Variants in TSFM observed in about 807,000 individuals in gnomAD.
TSFM encodes the protein elongation factor Ts, mitochondrial.
A neutral mutation model predicts 33.4 loss-of-function variants in TSFM; 29 were observed. The ratio of observed to expected loss-of-function variants is 0.87; its 90% CI spans 0.65 to 1.18. The LOEUF (loss-of-function observed/expected upper bound fraction) is 1.18, where lower values mean the gene tolerates loss of function less well. Ranked by LOEUF, TSFM falls within the 50% of genes most tolerant of loss-of-function variation. The pLI is 0.00. For synonymous variants in TSFM, 178 were observed against 163.5 expected, an observed-to-expected ratio of 1.09 and a Z score of -0.68; for missense variants, 394 against 395.6, an observed-to-expected ratio of 1.00 and a Z score of 0.04.
At chr12:57,782,887 TG>T in intron 1 of TSFM, 29 bp downstream of exon 1, 1 of 1,573,428 alleles carries the variant, frequency 6.4e-7, no homozygotes, top group Non-Finnish European at 8.6e-7. Flanking sequence ...GGTACCGACC[TG>T]CTGTCCCTGC....
chr12:57,783,557 G>A (rs1429051405), intron 2 of TSFM: 1 of 647,332 alleles, frequency 1.5e-6, no homozygotes, highest in Non-Finnish European at 2.9e-6. Flanking sequence ...GATTGTTCAG[G>A]AGTCAAATTG....
At chr12:57,783,013 C>T in intron 1 of TSFM, 97 bp from the exon 2 acceptor site, 2 of 1,507,430 alleles carry the variant, frequency 1.3e-6, no homozygotes, top group Non-Finnish European at 1.8e-6. Context: ...CCCCTTTGCA[C>T]ACTGTCCGCT....
chr12:57,790,060 C>CTTTTTTTTTTT (rs35382401), intron 4 of TSFM, among the ~76,000 whole-genome samples: 2 of 105,438 alleles, frequency 1.9e-5, no homozygotes, highest in African/African-American at 3.6e-5. Context: ...TTCTTTCTTT[C>CTTTTTTTTTTT]TTTTTTTTTT....
downstream of TSFM, among the ~76,000 whole-genome samples, chr12:57,799,485 G>A (rs867800339): frequency 3.3e-5 from 5 of 152,226 alleles, no homozygotes; most frequent in African/African-American, 1.2e-4. Context: ...TTTGGCTGTT[G>A]TGTGGGGAAC....
At chr12:57,782,926 C>T (rs1339669695) in intron 1 of TSFM, 68 bp downstream of exon 1, 3 of 1,522,310 alleles carry the variant, frequency 2.0e-6, no homozygotes, top group Non-Finnish European at 2.7e-6. Flanking sequence ...GTACCTTTCC[C>T]TTCCTCCCAA....
intron 5 of TSFM, among the ~76,000 whole-genome samples, chr12:57,794,361 T>C (rs7976556): frequency 0.99 from 151,261 of 152,336 alleles, 75,106 homozygotes; most frequent in Middle Eastern, 1. Context: ...CTACCCCTTT[T>C]TACCTTTTGG....
Position 57,786,197 on chromosome 12 carries a change from A to G in TSFM, c.266A>G (p.Glu89Gly). The part of the protein sequence containing the change: ...EIWLHKEAQK[E>G]GWSKAAKLQG... ...TGGCTCCACAAGGAGGCCCAGAAGG[A>G]GGGCTGGAGCAAAGCTGCCAAGCTC... The change falls in exon 3 of 6, where the codon GAG becomes GGG. Residue 89 changes from glutamate (E) to glycine (G), a missense_variant. Transcript: ENST00000652027. The G allele has an allele frequency of 6.2e-7, 1 of 1,609,470 alleles. No homozygotes were observed. Among genetic ancestry groups the G allele is most frequent in the Non-Finnish European group, 8.5e-7 (1 of 1,177,628 alleles).
intron 4 of TSFM, chr12:57,791,985 A>C: frequency 2.8e-6 from 1 of 361,424 alleles, no homozygotes; most frequent in Non-Finnish European, 5.7e-6. Flanking sequence ...TCACGCCTGT[A>C]AACCTAGCAC....
rs1955685630 is a variant in TSFM at position 57,793,089 on chromosome 12, G to A, written c.571+16G>A. On this transcript the variant is annotated intron_variant, in intron 5 of 5. Coordinates refer to ENST00000652027, the MANE Select transcript of TSFM (RefSeq NM_005726.6). ...TTAGCAATTGGTGAGTATTTGTAAA[G>A]GTTCTGGAAACTGGAAATTAGGGAC... 6.2e-7 allele frequency: 1 copy of A among 1,606,696 alleles called. No individual in the cohort carries two copies. The highest frequency in any genetic ancestry group is 2.2e-5 in the East Asian group (1 of 44,840).
At chr12:57,783,545 C>CA in intron 2 of TSFM, 1 of 652,208 alleles carries the variant, frequency 1.5e-6, no homozygotes, top group Non-Finnish European at 2.9e-6. Context: ...GCTTTGGAGT[C>CA]AGATTGTTCA....
Position 57,782,814 on chromosome 12 carries a change from C to A in TSFM, c.13C>A (p.Arg5=), listed in dbSNP as rs1955528884. The change falls in exon 1 of 6, where the codon CGG becomes AGG. Residue 5 remains arginine, a synonymous_variant. Coordinates refer to ENST00000652027, the MANE Select transcript of TSFM (RefSeq NM_005726.6). MSLL[R]SLRVFLVART... Reference sequence around the variant, plus strand: ...CGCGGCTAGAGAGATGTCGCTGCTGCGGTCGCTGCGCGTGTTTCTGGTCGC... The same window carrying A: ...CGCGGCTAGAGAGATGTCGCTGCTGAGGTCGCTGCGCGTGTTTCTGGTCGC... 3 of 1,592,762 alleles carry A rather than the reference C, an allele frequency of 1.9e-6. No homozygotes were observed. Among genetic ancestry groups the A allele is most frequent in the South Asian group, 2.3e-5 (2 of 87,678 alleles).
At chr12:57,801,426 C>G (rs975545769), downstream of TSFM, 2 of 415,628 alleles carry the variant, frequency 4.8e-6, no homozygotes, top group Non-Finnish European at 8.8e-6. Context: ...CCCCTCAGTC[C>G]TCCCAATAAG....
At chr12:57,791,907 A>G (rs1955667020) in intron 4 of TSFM, 1 of 352,470 alleles carries the variant, frequency 2.8e-6, no homozygotes, top group Non-Finnish European at 5.8e-6. Context: ...TCCCATCAAA[A>G]ATGTGCAAAT....
At chr12:57,794,927 T>G (rs1326753840) in intron 5 of TSFM, among the ~76,000 whole-genome samples, 1 of 151,570 alleles carries the variant, frequency 6.6e-6, no homozygotes, top group Non-Finnish European at 1.5e-5. Flanking sequence ...GCCCGGCTAA[T>G]TTTTTGTATT....
downstream of TSFM, among the ~76,000 whole-genome samples, chr12:57,801,994 G>A (rs1400197846): frequency 6.6e-6 from 1 of 152,196 alleles, no homozygotes; most frequent in Admixed American, 6.5e-5. Flanking sequence ...TTACTGCTGT[G>A]GCAGGTGAAA....
intron 5 of TSFM, among the ~76,000 whole-genome samples, chr12:57,795,681 C>T (rs148514270): frequency 7.9e-5 from 12 of 152,120 alleles, no homozygotes; most frequent in African/African-American, 2.9e-4. Flanking sequence ...ATGGTACGAT[C>T]TCGGCTCACT....
downstream of TSFM, among the ~76,000 whole-genome samples, chr12:57,798,942 T>C (rs1955791373): frequency 6.6e-6 from 1 of 152,198 alleles, no homozygotes; most frequent in African/African-American, 2.4e-5. Context: ...AACTCAAATA[T>C]GTTAATTCAT....
chr12:57,782,913 C>T, intron 1 of TSFM, 55 bp downstream of exon 1: 1 of 1,540,216 alleles, frequency 6.5e-7, no homozygotes, highest in African/African-American at 1.4e-5. Flanking sequence ...CTCCTGTGCG[C>T]CTGTACCTTT....
At chr12:57,788,962 G>GC (rs1489579984) in intron 4 of TSFM, among the ~76,000 whole-genome samples, 47 of 144,436 alleles carry the variant, frequency 3.3e-4, no homozygotes, top group African/African-American at 1.2e-3. Context: ...TGTTATCATC[G>GC]CCCTTTTTTT....
Sources: allele counts gnomAD v4.1 joint callset (sites outside exome capture counted in the v4.1 genomes callset), GRCh38; gene constraint gnomAD v4.1.1; transcripts MANE v1.5; gene names NCBI Gene and HGNC (gene_info 2026-07-23, HGNC 2026-07-21).